Variants in AHCYL2 observed in about 807,000 individuals in gnomAD.
AHCYL2 encodes the protein adenosylhomocysteinase like 2, also known as S-adenosylhomocysteine hydrolase-like protein 2.
In AHCYL2, 28 loss-of-function variants were observed where a neutral mutation model predicts 81.4. That is an observed-to-expected ratio of 0.34 (90% CI 0.25 to 0.47). The LOEUF (loss-of-function observed/expected upper bound fraction) is 0.47. Ranked by LOEUF, AHCYL2 falls within the 20% of genes least tolerant of loss-of-function variation. AHCYL2 has a pLI of 1.00. For missense variants in AHCYL2, 551 were observed against 785.1 expected, an observed-to-expected ratio of 0.70 and a Z score of 3.56; for synonymous variants, 272 against 290.2, an observed-to-expected ratio of 0.94 and a Z score of 0.64.
intron 1 of AHCYL2, among the ~76,000 whole-genome samples, 163 bp downstream of exon 1, chr7:129,225,602 G>A (rs1462882023): frequency 2.0e-5 from 3 of 152,060 alleles, no homozygotes; most frequent in Non-Finnish European, 4.4e-5. Flanking sequence ...CCCCCCAGCC[G>A]GCCCCTCGTG....
Position 129,426,555 on chromosome 7 carries a change from T to G in AHCYL2, c.1821T>G (p.Asn607Lys). 6.2e-7 allele frequency: 1 copy of G among 1,613,762 alleles called. No homozygotes were observed. The change falls in exon 16 of 17, where the codon AAT becomes AAG. Residue 607 changes from asparagine (N) to lysine (K), a missense_variant. By Grantham distance (94) the Asn-to-Lys change is moderately conservative. Transcript: ENST00000325006. This position sits in a 1 kb window ranked among gnomAD's most constrained non-coding sequence, Gnocchi z 4.3. ...ACAAGAATGGGCCCTTCAAGCCTAA[T>G]TACTACAGGTGCCTTGGGCTCCCCA... The part of the protein sequence containing the change: ...GLNKNGPFKP[N>K]YYRY
chr7:129,381,657 T>G (rs1187595577), intron 2 of AHCYL2, among the ~76,000 whole-genome samples: 1 of 152,232 alleles, frequency 6.6e-6, no homozygotes, highest in Non-Finnish European at 1.5e-5. Flanking sequence ...ACATAGTTAT[T>G]TATCTCCTGA....
At chr7:129,372,985 G>A (rs190540474) in intron 1 of AHCYL2, among the ~76,000 whole-genome samples, 61 of 152,300 alleles carry the variant, frequency 4.0e-4, no homozygotes, top group Non-Finnish European at 5.6e-4. Context: ...CACGCTTGGA[G>A]AAAGTGTTAG....
chr7:129,352,047 T>G lies in AHCYL2; in HGVS notation c.364-27591T>G, dbSNP rs936105673. On this transcript the variant is annotated intron_variant, in intron 1 of 16. Transcript: ENST00000325006. ...AAATATCAATCCTGGAGTATAATTTTTTTTTTAATGAACTGGGAAGTACAC... is the reference window on the plus strand; with the variant it reads ...AAATATCAATCCTGGAGTATAATTTGTTTTTTAATGAACTGGGAAGTACAC... Among the ~76,000 whole-genome samples the G allele has an allele frequency of 1.2e-4, 19 of 152,326 alleles. No homozygotes were observed. In the East Asian group the frequency reaches 3.3e-3, roughly 26 times the overall value.
intron 1 of AHCYL2, among the ~76,000 whole-genome samples, chr7:129,291,005 A>G (rs1299430833): frequency 1.3e-5 from 2 of 151,922 alleles, no homozygotes; most frequent in Non-Finnish European, 2.9e-5. Flanking sequence ...TGTTTCCACT[A>G]TTGTTTCCAG....
intron 1 of AHCYL2, among the ~76,000 whole-genome samples, chr7:129,262,216 C>T (rs1296807505): frequency 6.6e-6 from 1 of 152,038 alleles, no homozygotes; most frequent in Non-Finnish European, 1.5e-5. Context: ...ATAGCAAGAG[C>T]CGCTGGCCAG....
intron 1 of AHCYL2, among the ~76,000 whole-genome samples, chr7:129,331,714 C>T (rs891525928): frequency 6.7e-6 from 1 of 150,128 alleles, no homozygotes; most frequent in South Asian, 2.1e-4. Flanking sequence ...AGGTAGCACA[C>T]ACCTGTAGTC....
At chr7:129,278,736 A>G (rs1796310155) in intron 1 of AHCYL2, among the ~76,000 whole-genome samples, 1 of 144,714 alleles carries the variant, frequency 6.9e-6, no homozygotes, top group Non-Finnish European at 1.5e-5. Flanking sequence ...TAATTTTTGC[A>G]TATGGTACAA....
At chr7:129,405,534 T>C (rs570670211) in intron 8 of AHCYL2, 49 of 369,356 alleles carry the variant, frequency 1.3e-4, no homozygotes, top group African/African-American at 1.0e-3. Context: ...AAAAAAACCC[T>C]TACATATAGG....
intron 12 of AHCYL2, among the ~76,000 whole-genome samples, chr7:129,420,628 C>T (rs1397694622): frequency 7.3e-5 from 11 of 151,638 alleles, no homozygotes; most frequent in Non-Finnish European, 1.3e-4. Flanking sequence ...TACAGGCGCA[C>T]GCCAACATGC....
At chr7:129,318,551 CG>C (rs1443677928) in intron 1 of AHCYL2, among the ~76,000 whole-genome samples, 1 of 152,094 alleles carries the variant, frequency 6.6e-6, no homozygotes, top group Non-Finnish European at 1.5e-5. Flanking sequence ...TGGAAGATAA[CG>C]GATTATTTAG....
intron 1 of AHCYL2, among the ~76,000 whole-genome samples, chr7:129,336,661 A>G (rs1405734748): frequency 6.6e-6 from 1 of 152,204 alleles, no homozygotes; most frequent in Non-Finnish European, 1.5e-5. Context: ...TTCCCCAAGC[A>G]GTGCAGGTGA....
At chr7:129,254,880 G>GT (rs1462118003) in intron 1 of AHCYL2, among the ~76,000 whole-genome samples, 1 of 152,184 alleles carries the variant, frequency 6.6e-6, no homozygotes, top group East Asian at 1.9e-4. Context: ...AATTTGAATA[G>GT]TTTTTTGTGG....
intron 5 of AHCYL2, among the ~76,000 whole-genome samples, chr7:129,398,211 G>A (rs1485869767): frequency 2.6e-5 from 4 of 151,094 alleles, no homozygotes; most frequent in African/African-American, 4.9e-5. Context: ...GGGTCTTGCT[G>A]TGTTGCTCAG....
intron 1 of AHCYL2, among the ~76,000 whole-genome samples, chr7:129,277,943 TG>T (rs1375341575): frequency 6.6e-6 from 1 of 152,212 alleles, no homozygotes; most frequent in African/African-American, 2.4e-5. Flanking sequence ...GTTAAATATC[TG>T]GAAGTGTGAT....
At chr7:129,425,640 G>C (rs1274246352) in intron 15 of AHCYL2, among the ~76,000 whole-genome samples, 1 of 152,196 alleles carries the variant, frequency 6.6e-6, no homozygotes. Context: ...TTTTGTATAA[G>C]AGAAACATTA....
rs933396607 is a variant in AHCYL2, at chr7:129,256,791, G to GT, written c.363+31362dup. The stretch of plus-strand genomic sequence containing the variant: ...ATAAGTAGAATTTCTTGTTCAAAAG[G>GT]TTTTTTTTTTAATTGTATAAATATT... On this transcript the variant is annotated intron_variant, in intron 1 of 16. Coordinates refer to ENST00000325006, the MANE Select transcript of AHCYL2 (RefSeq NM_015328.4). Among the ~76,000 whole-genome samples, 1,036 of 147,396 alleles carry GT rather than the reference G, an allele frequency of 7.0e-3. 10 individuals carry two copies. The highest frequency in any genetic ancestry group is 0.023 in the African/African-American group (934 of 40,224).
At chr7:129,414,507 G>GCCT (rs1032779034) in intron 12 of AHCYL2, among the ~76,000 whole-genome samples, 4 of 141,248 alleles carry the variant, frequency 2.8e-5, no homozygotes, top group Admixed American at 7.9e-5. Context: ...TGCAACCTCT[G>GCCT]CCTCCTGGGT....
At chr7:129,269,588 GTTTT>G (rs1795935396) in intron 1 of AHCYL2, among the ~76,000 whole-genome samples, 2 of 2,662 alleles carry the variant, frequency 7.5e-4, no homozygotes. Flanking sequence ...TGCCGGTTTT[GTTTT>G]GTTTTGTTTT....
Sources: allele counts gnomAD v4.1 joint callset (sites outside exome capture counted in the v4.1 genomes callset), GRCh38; gene constraint gnomAD v4.1.1; non-coding constraint Gnocchi (gnomAD v3.1); transcripts MANE v1.5; gene names NCBI Gene and HGNC (gene_info 2026-07-23, HGNC 2026-07-21).